The following PDE4B variants were observed in gnomAD, a reference collection of about 807,000 sequenced individuals.
PDE4B encodes the protein phosphodiesterase 4B.
A neutral mutation model predicts 82.2 loss-of-function variants in PDE4B; 20 were observed. The ratio of observed to expected loss-of-function variants is 0.24; its 90% CI spans 0.17 to 0.35. PDE4B has a LOEUF of 0.35. Ranked by LOEUF, PDE4B falls within the 10% of genes least tolerant of loss-of-function variation. The pLI is 1.00. For missense variants in PDE4B, 655 were observed against 907.2 expected (o/e 0.72, Z 3.57); for synonymous variants, 320 against 318.9 (o/e 1.00, Z -0.04).
intron 3 of PDE4B, among the ~76,000 whole-genome samples, chr1:66,195,951 G>C (rs570451599): frequency 1.3e-5 from 2 of 150,468 alleles, no homozygotes; most frequent in Admixed American, 6.7e-5. Context: ...GTTAGTGGTC[G>C]TTGGCTGGCT....
intron 3 of PDE4B, among the ~76,000 whole-genome samples, chr1:65,938,476 T>G (rs984351614): frequency 2.0e-5 from 3 of 152,222 alleles, no homozygotes; most frequent in Non-Finnish European, 2.9e-5. Flanking sequence ...TAATGATGCT[T>G]TATTCAAATG....
intron 3 of PDE4B, among the ~76,000 whole-genome samples, chr1:66,143,247 C>T (rs933284899): frequency 7.9e-5 from 12 of 152,250 alleles, no homozygotes; most frequent in African/African-American, 2.9e-4. Context: ...GTATTATGAG[C>T]CATTTATACA....
At chr1:65,929,682 C>G (rs1405050705) in intron 3 of PDE4B, among the ~76,000 whole-genome samples, 1 of 152,154 alleles carries the variant, frequency 6.6e-6, no homozygotes, top group Non-Finnish European at 1.5e-5. Flanking sequence ...TTAGGCGCAA[C>G]CAATCAGCTT....
intron 3 of PDE4B, among the ~76,000 whole-genome samples, chr1:66,242,683 C>G (rs1652979650): frequency 6.6e-6 from 1 of 152,210 alleles, no homozygotes; most frequent in Non-Finnish European, 1.5e-5. Context: ...GGAAGTAGAG[C>G]TTCTCTTAGG....
chr1:66,081,320 T>C (rs537757978), intron 3 of PDE4B, among the ~76,000 whole-genome samples: 119 of 152,248 alleles, frequency 7.8e-4, no homozygotes, highest in African/African-American at 2.6e-3. Flanking sequence ...CTAGGTCCTC[T>C]TCACTTGAAT....
At chr1:66,053,485 A>G (rs1655143299) in intron 3 of PDE4B, among the ~76,000 whole-genome samples, 1 of 152,200 alleles carries the variant, frequency 6.6e-6, no homozygotes, top group Non-Finnish European at 1.5e-5. Flanking sequence ...TACCATTATT[A>G]TCAATGGCAT....
rs1649315758 is a variant in PDE4B, at chr1:65,957,382, G to A, written c.281+38547G>A. ...TTTCCAATGCCATGTCTGTTACACAGCAAGCTATCATTTATGCAGGGGTCT... is the reference window on the plus strand; with the variant it reads ...TTTCCAATGCCATGTCTGTTACACAACAAGCTATCATTTATGCAGGGGTCT... On this transcript the variant is annotated intron_variant, in intron 3 of 16. Coordinates refer to ENST00000341517, the MANE Select transcript of PDE4B (RefSeq NM_002600.4). 2.6e-5 allele frequency among the ~76,000 whole-genome samples: 4 copies of A among 151,694 alleles called. No individual in the cohort carries two copies. The South Asian group carries it at 8.4e-4, about 32-fold the overall frequency.
At chr1:65,795,404 A>G (rs1471036086) in intron 1 of PDE4B, among the ~76,000 whole-genome samples, 2 of 152,212 alleles carry the variant, frequency 1.3e-5, no homozygotes, top group Non-Finnish European at 2.9e-5. Flanking sequence ...AAGGTTTAGG[A>G]TGTTGCTGAC....
intron 7 of PDE4B, among the ~76,000 whole-genome samples, chr1:66,288,560 A>G (rs1339643723): frequency 6.6e-6 from 1 of 152,176 alleles, no homozygotes; most frequent in Non-Finnish European, 1.5e-5. Context: ...AATAAATGTT[A>G]AAGAACGTGA....
At chr1:65,965,193 A>G (rs1649750034) in intron 3 of PDE4B, among the ~76,000 whole-genome samples, 1 of 152,106 alleles carries the variant, frequency 6.6e-6, no homozygotes, top group Non-Finnish European at 1.5e-5. Flanking sequence ...AGAGGAGTGA[A>G]AACACCTTGG....
intron 3 of PDE4B, among the ~76,000 whole-genome samples, chr1:66,228,256 T>C (rs1014628956): frequency 1.3e-5 from 2 of 152,222 alleles, no homozygotes; most frequent in African/African-American, 4.8e-5. Context: ...CTATACTCTC[T>C]GAAGCCAGTT....
chr1:66,368,148 A>G, intron 15 of PDE4B, 83 bp downstream of exon 15: 3 of 1,466,306 alleles, frequency 2.0e-6, no homozygotes, highest in Non-Finnish European at 2.8e-6. Flanking sequence ...ACAAAGATAA[A>G]TTCAGTTATT....
intron 3 of PDE4B, among the ~76,000 whole-genome samples, chr1:66,188,103 A>G (rs1647347281): frequency 6.6e-6 from 1 of 151,376 alleles, no homozygotes; most frequent in African/African-American, 2.4e-5. Context: ...CCCAGTAGTC[A>G]TTCAGGAGCA....
At chr1:65,954,928 A>T (rs773354691) in intron 3 of PDE4B, among the ~76,000 whole-genome samples, 8 of 152,144 alleles carry the variant, frequency 5.3e-5, no homozygotes, top group Non-Finnish European at 7.4e-5. Flanking sequence ...TATTTTTTTT[A>T]AAATGAAGTA....
chr1:66,134,372 CT>C (rs1178205814), intron 3 of PDE4B, among the ~76,000 whole-genome samples: 3 of 152,226 alleles, frequency 2.0e-5, no homozygotes, highest in Admixed American at 1.3e-4. Flanking sequence ...GTACCACGGC[CT>C]TTTACCACAT....
At chr1:66,265,913 A>G in intron 6 of PDE4B, 125 bp from the exon 7 acceptor site, 2 of 717,850 alleles carry the variant, frequency 2.8e-6, no homozygotes, top group Non-Finnish European at 5.1e-6. Context: ...CGGAGATGGC[A>G]TTATGTCACT....
chr1:66,006,030 C>T (rs570906818), intron 3 of PDE4B, among the ~76,000 whole-genome samples: 2 of 152,150 alleles, frequency 1.3e-5, no homozygotes, highest in South Asian at 2.1e-4. Context: ...ATGGCAGAAG[C>T]ATTTAGAAAG....
At chr1:65,819,499 G>GTTTTTGT (rs11438074) in intron 1 of PDE4B, among the ~76,000 whole-genome samples, 1 of 145,404 alleles carries the variant, frequency 6.9e-6, no homozygotes, top group Non-Finnish European at 1.5e-5. Flanking sequence ...GTTTGTTTTT[G>GTTTTTGT]TTTTGTTTTT....
chr1:66,297,302 G>T (rs980358749), intron 7 of PDE4B, among the ~76,000 whole-genome samples: 1 of 151,882 alleles, frequency 6.6e-6, no homozygotes, highest in Non-Finnish European at 1.5e-5. Flanking sequence ...TGTATTTCAG[G>T]TTTTCACTTG....
Sources: gnomAD v4.1 joint callset for allele counts (sites outside exome capture counted in the v4.1 genomes callset) on GRCh38, gnomAD v4.1.1 for gene constraint, MANE v1.5 for transcripts, NCBI Gene and HGNC (gene_info 2026-07-23, HGNC 2026-07-21) for gene names.